The following MED30 variants were observed in gnomAD, a reference collection of about 807,000 sequenced individuals.
MED30 encodes the protein mediator of RNA polymerase II transcription subunit 30.
MED30 carries 8 observed loss-of-function variants against 21.7 expected under a neutral mutation model. The observed-to-expected ratio is 0.37, with a 90% CI of 0.22 to 0.67. The LOEUF (loss-of-function observed/expected upper bound fraction) is 0.67, where lower values mean the gene tolerates loss of function less well. MED30 is among the 30% of genes least tolerant of loss of function. The probability of loss-of-function intolerance (pLI) is 0.58; values close to 1 mark genes in which losing one functional copy is unlikely to be tolerated. For synonymous variants in MED30, 79 were observed against 86.7 expected (o/e 0.91, Z 0.49); for missense variants, 203 against 228.2 (o/e 0.89, Z 0.71).
chr8:117,539,907 C>G lies in MED30; in HGVS notation c.466C>G (p.Leu156Val). The G allele has an allele frequency of 5.0e-6, 8 of 1,607,174 alleles. No individual in the cohort carries two copies. The highest frequency in any genetic ancestry group is 6.8e-6 in the Non-Finnish European group (8 of 1,176,536). Reference protein sequence around the residue: ...NKKLKQKNQQLKQIMDQLRNL... With the variant: ...NKKLKQKNQQVKQIMDQLRNL... ...GAAACTCAAACAGAAGAATCAACAG[C>G]TGAAACAAATTATGGATCAATTACG... The change falls in exon 4 of 4, where the codon CTG (leucine) becomes GTG (valine). Residue 156 changes from leucine to valine, a missense_variant. Transcript: ENST00000297347.
At chr8:117,527,632 C>CTTTTTTTTTTTTTTTTT (rs1818737423) in intron 1 of MED30, among the ~76,000 whole-genome samples, 1 of 109,234 alleles carries the variant, frequency 9.2e-6, no homozygotes. Flanking sequence ...TTCTTTTTTT[C>CTTTTTTTTTTTTTTTTT]TTTCTTTTTT....
chr8:117,538,913 C>CT (rs1250503426), intron 3 of MED30, among the ~76,000 whole-genome samples: 3 of 152,204 alleles, frequency 2.0e-5, no homozygotes, highest in Non-Finnish European at 4.4e-5. Context: ...GCAATTCATG[C>CT]TATAGGCAAA....
rs536933418 is a variant in MED30 at position 117,523,352 on chromosome 8, C to T, written c.177+2299C>T. On this transcript the variant is annotated intron_variant, in intron 1 of 3. Coordinates refer to ENST00000297347, the MANE Select transcript of MED30 (RefSeq NM_080651.4). Reference sequence around the variant, plus strand: ...CCAGCCCCAGTCTCGGCTTTCTTGTCGGCACCAGGGGGCACAGCACTCCGT... The same window carrying T: ...CCAGCCCCAGTCTCGGCTTTCTTGTTGGCACCAGGGGGCACAGCACTCCGT... The T allele has an allele frequency of 2.1e-5, 32 of 1,514,654 alleles. No homozygotes were observed. The South Asian group carries it at 2.9e-4, about 14-fold the overall frequency. 93.8% of individuals were successfully genotyped at this position (1,514,654 alleles called of 1,614,324 possible). A position where few individuals can be genotyped will look rare whatever the true frequency, so the allele number is the denominator to read the frequency against.
chr8:117,523,210 G>GT (rs369071775), intron 1 of MED30: 105,534 of 551,900 alleles, frequency 0.19, 41 homozygotes, highest in Middle Eastern at 0.25. Flanking sequence ...TTTTTTTTAA[G>GT]TTTTTTTTTT....
chr8:117,525,977 A>G (rs1818713757), intron 1 of MED30, among the ~76,000 whole-genome samples: 1 of 152,078 alleles, frequency 6.6e-6, no homozygotes, highest in Non-Finnish European at 1.5e-5. Flanking sequence ...ACTTGACATC[A>G]TTATGATGTT....
chr8:117,538,640 A>T (rs1818921370), intron 3 of MED30, among the ~76,000 whole-genome samples: 1 of 152,144 alleles, frequency 6.6e-6, no homozygotes. Context: ...GAATAATAAT[A>T]ATTATTGTTA....
chr8:117,523,405 C>T, intron 1 of MED30: 1 of 1,558,514 alleles, frequency 6.4e-7, no homozygotes, highest in Non-Finnish European at 8.8e-7. Context: ...GGCTTCCCCT[C>T]TTGTGAGTCT....
chr8:117,535,620 T>C (rs1353737141), intron 3 of MED30, among the ~76,000 whole-genome samples: 1 of 152,152 alleles, frequency 6.6e-6, no homozygotes, highest in African/African-American at 2.4e-5. Context: ...ACTGATTTGA[T>C]TATTTAATCA....
At chr8:117,535,912 CTT>C (rs547498863) in intron 3 of MED30, among the ~76,000 whole-genome samples, 15 of 146,228 alleles carry the variant, frequency 1.0e-4, no homozygotes, top group African/African-American at 3.5e-4. Flanking sequence ...TATTAAATGT[CTT>C]TTTTTTTTAT....
In MED30 at chr8:117,520,916, G is replaced by C; in HGVS notation, c.40G>C (p.Gly14Arg). ...PPLAASGMAP[G>R]PFAGPQAQQA... ...GTTGGCCGCGTCGGGGATGGCGCCC[G>C]GGCCCTTCGCCGGGCCCCAGGCTCA... Residue 14 changes from glycine (G) to arginine (R), a missense_variant, in exon 1 of 4, where the codon GGG (glycine) becomes CGG (arginine). Transcript: ENST00000297347. 1 of 1,609,282 alleles carries C rather than the reference G, an allele frequency of 6.2e-7. No individual in the cohort carries two copies. Among genetic ancestry groups the C allele is most frequent in the Non-Finnish European group, 8.5e-7 (1 of 1,178,204 alleles).
chr8:117,539,793 A>G (rs140079946), intron 3 of MED30, 90 bp from the exon 4 acceptor site: 13,813 of 767,052 alleles, frequency 0.018, 187 homozygotes, highest in Non-Finnish European at 0.021. Flanking sequence ...TGTCTGTATC[A>G]TTATAATCCT....
intron 1 of MED30, among the ~76,000 whole-genome samples, chr8:117,524,951 C>G (rs1818696717): frequency 6.6e-6 from 1 of 152,164 alleles, no homozygotes; most frequent in Admixed American, 6.5e-5. Flanking sequence ...ATAGTTTACA[C>G]TGCATGGAAA....
At position 117,539,887 on chromosome 8, in the gene MED30, T is replaced by C. The variant is rs753915120; in HGVS notation, c.446T>C (p.Leu149Pro). The C allele has an allele frequency of 6.3e-7, 1 of 1,592,776 alleles. No homozygotes were observed. Among genetic ancestry groups the C allele is most frequent in the Non-Finnish European group, 8.6e-7 (1 of 1,164,932 alleles). ...RREIAEVNKK[L>P]KQKNQQLKQI... ...TAAATTCTTTTGTTTCTACAGAAACTCAAACAGAAGAATCAACAGCTGAAA... is the reference window on the plus strand; with the variant it reads ...TAAATTCTTTTGTTTCTACAGAAACCCAAACAGAAGAATCAACAGCTGAAA... Residue 149 changes from leucine (L) to proline (P), a missense_variant, in exon 4 of 4, where the codon CTC becomes CCC. Leu to Pro is a moderately conservative substitution (Grantham distance 98). Transcript: ENST00000297347.
chr8:117,539,660 C>T (rs945652379), intron 3 of MED30, among the ~76,000 whole-genome samples: 7 of 152,218 alleles, frequency 4.6e-5, no homozygotes, highest in African/African-American at 1.4e-4. Context: ...GGCCTGGGGC[C>T]GGGGCTGGGG....
At chr8:117,532,496 G>T (rs1818804873) in intron 3 of MED30, among the ~76,000 whole-genome samples, 1 of 151,914 alleles carries the variant, frequency 6.6e-6, no homozygotes, top group African/African-American at 2.4e-5. Flanking sequence ...TTGTACATGA[G>T]AATTTAATAT....
chr8:117,531,053 G>A (rs893659322), intron 3 of MED30, among the ~76,000 whole-genome samples: 8 of 152,014 alleles, frequency 5.3e-5, no homozygotes, highest in African/African-American at 1.9e-4. Flanking sequence ...GCTCTTAGAA[G>A]AGCTCCTTAG....
intron 3 of MED30, among the ~76,000 whole-genome samples, chr8:117,534,146 T>C (rs1391646455): frequency 1.3e-5 from 2 of 152,076 alleles, no homozygotes; most frequent in Non-Finnish European, 2.9e-5. Flanking sequence ...AGATGGTCTC[T>C]GTCTGTGGTT....
intron 1 of MED30, chr8:117,523,477 C>T: frequency 6.3e-7 from 1 of 1,586,090 alleles, no homozygotes. Flanking sequence ...ACGGCTGCGG[C>T]GTAGGGTGGC....
Position 117,540,007 on chromosome 8 carries a change from A to ATGTT in MED30, c.*30_*33dup. 7.9e-7 allele frequency: 1 copy of ATGTT among 1,263,476 alleles called. No individual in the cohort carries two copies. The highest frequency in any genetic ancestry group is 1.1e-6 in the Non-Finnish European group (1 of 900,898). 78.3% of individuals were successfully genotyped at this position (1,263,476 alleles called of 1,614,324 possible). A position where few individuals can be genotyped will look rare whatever the true frequency, so the allele number is the denominator to read the frequency against. On this transcript the variant is annotated 3_prime_UTR_variant, in exon 4 of 4. Coordinates refer to ENST00000297347, the MANE Select transcript of MED30 (RefSeq NM_080651.4). The stretch of plus-strand genomic sequence containing the variant: ...GATATTTAAATTTCCTGCTTTACAC[A>ATGTT]TGTTATACCATTGTTTTTTCCCTCA...
Sources: allele counts gnomAD v4.1 joint callset (sites outside exome capture counted in the v4.1 genomes callset), GRCh38; gene constraint gnomAD v4.1.1; transcripts MANE v1.5; gene names NCBI Gene and HGNC (gene_info 2026-07-23, HGNC 2026-07-21).